The following PIGU variants were observed in gnomAD, a reference collection of about 807,000 sequenced individuals.
The protein encoded by PIGU is phosphatidylinositol glycan anchor biosynthesis class U.
A neutral mutation model predicts 49.9 loss-of-function variants in PIGU; 24 were observed. The ratio of observed to expected loss-of-function variants is 0.48; its 90% CI spans 0.35 to 0.68. The LOEUF (loss-of-function observed/expected upper bound fraction) is 0.68, where lower values mean the gene tolerates loss of function less well. Ranked by LOEUF, PIGU falls within the 30% of genes least tolerant of loss-of-function variation. The pLI is 0.01. For missense variants in PIGU, 490 were observed against 532.6 expected (o/e 0.92, Z 0.79); for synonymous variants, 220 against 205.7 (o/e 1.07, Z -0.59).
intron 6 of PIGU, among the ~76,000 whole-genome samples, chr20:34,621,250 T>C (rs6119507): frequency 0.02 from 3,000 of 152,220 alleles, 123 homozygotes; most frequent in African/African-American, 0.069. Context: ...TATGAAATCC[T>C]TTTTAAAAAT....
At chr20:34,599,828 C>T (rs1363722618) in intron 7 of PIGU, among the ~76,000 whole-genome samples, 1 of 152,106 alleles carries the variant, frequency 6.6e-6, no homozygotes, top group East Asian at 1.9e-4. Context: ...TTATGGCCCC[C>T]CCTGTAAGCT....
chr20:34,650,738 G>T (rs1175547661), intron 2 of PIGU, among the ~76,000 whole-genome samples: 3 of 30,002 alleles, frequency 1.0e-4, no homozygotes, highest in African/African-American at 3.5e-4. Context: ...TTTTGAGAAG[G>T]AGTCTCATTC....
chr20:34,641,797 G>A (rs1034246832), intron 4 of PIGU, among the ~76,000 whole-genome samples: 1 of 152,168 alleles, frequency 6.6e-6, no homozygotes, highest in African/African-American at 2.4e-5. Context: ...TAAATCAACA[G>A]TAGTATGTTA....
chr20:34,639,031 G>C (rs753869064), intron 4 of PIGU, among the ~76,000 whole-genome samples: 4 of 152,178 alleles, frequency 2.6e-5, no homozygotes, highest in Non-Finnish European at 5.9e-5. Context: ...AAAATTTAAT[G>C]ATGTAAAAAG....
At chr20:34,566,030 GCA>G (rs1482925837) in intron 11 of PIGU, among the ~76,000 whole-genome samples, 4 of 150,844 alleles carry the variant, frequency 2.7e-5, no homozygotes, top group East Asian at 2.0e-4. Flanking sequence ...ACACACAGAT[GCA>G]CACACATACA....
chr20:34,587,281 T>C (rs1350416325), intron 8 of PIGU, among the ~76,000 whole-genome samples: 1 of 152,192 alleles, frequency 6.6e-6, no homozygotes, highest in Non-Finnish European at 1.5e-5. Flanking sequence ...ATATAAAGGC[T>C]TCCTGTGGTC....
In PIGU at chr20:34,585,062, T is replaced by C. The variant is rs532696609; in HGVS notation, c.926+375A>G. On this transcript the variant is annotated intron_variant, in intron 9 of 11. Coordinates refer to ENST00000217446, the MANE Select transcript of PIGU (RefSeq NM_080476.5). ...GTTGTCCAGGCTGGTCTCAAACTCC[T>C]GGCCTCAAGTGACCCTCCTGCCTCA... Among the ~76,000 whole-genome samples, 225 of 152,136 alleles carry C rather than the reference T, an allele frequency of 1.5e-3. 1 individual carries two copies. Among genetic ancestry groups the C allele is most frequent in the African/African-American group, 5.2e-3 (215 of 41,518 alleles).
intron 8 of PIGU, among the ~76,000 whole-genome samples, chr20:34,587,782 T>C (rs1983760897): frequency 6.6e-6 from 1 of 152,182 alleles, no homozygotes; most frequent in Admixed American, 6.5e-5. Context: ...CCACTTAGCA[T>C]CAGATTCTCC....
Position 34,677,091 on chromosome 20 carries a change from C to A in PIGU, c.-6G>T, listed in dbSNP as rs763219296. On this transcript the variant is annotated 5_prime_UTR_variant, in exon 1 of 12. Coordinates refer to ENST00000217446, the MANE Select transcript of PIGU (RefSeq NM_080476.5). ...AGGACCAAGGGAGCCGCCATGATAA[C>A]TGGGGCGGGCGCGCGGGCGGGGAGG... 21 of 1,556,948 alleles carry A rather than the reference C, an allele frequency of 1.3e-5. No homozygotes were observed. In the Admixed American group the frequency reaches 4.1e-4, roughly 30 times the overall value.
chr20:34,648,893 G>T (rs1041035206), intron 2 of PIGU, among the ~76,000 whole-genome samples: 4 of 150,748 alleles, frequency 2.7e-5, no homozygotes, highest in Non-Finnish European at 4.4e-5. Flanking sequence ...TTTAGAGATG[G>T]AGTCTCACTC....
intron 4 of PIGU, among the ~76,000 whole-genome samples, chr20:34,640,197 C>T (rs931565449): frequency 5.9e-5 from 9 of 152,184 alleles, no homozygotes; most frequent in African/African-American, 2.2e-4. Flanking sequence ...GACACTGTGC[C>T]AGCAATGGAA....
chr20:34,568,858 G>A (rs1413265276), intron 11 of PIGU, among the ~76,000 whole-genome samples: 2 of 152,198 alleles, frequency 1.3e-5, no homozygotes, highest in Non-Finnish European at 2.9e-5. Context: ...GGCCCCTCAT[G>A]GCAAATAGGC....
intron 10 of PIGU, among the ~76,000 whole-genome samples, chr20:34,576,754 T>G (rs924341510): frequency 5.3e-5 from 8 of 152,230 alleles, no homozygotes; most frequent in Non-Finnish European, 1.2e-4. Context: ...CCTGAGTAGC[T>G]GGAACTACAG....
At chr20:34,672,855 TCAA>T (rs1346622412) in intron 1 of PIGU, among the ~76,000 whole-genome samples, 7 of 95,290 alleles carry the variant, frequency 7.3e-5, no homozygotes, top group Non-Finnish European at 4.0e-5. Flanking sequence ...ACCCTGTCTC[TCAA>T]AAAAAAAAAA....
intron 2 of PIGU, among the ~76,000 whole-genome samples, chr20:34,656,803 T>C (rs1273794773): frequency 6.6e-6 from 1 of 151,042 alleles, no homozygotes; most frequent in East Asian, 1.9e-4. Context: ...GTTAAGTAAG[T>C]TTTTCTGGGC....
At chr20:34,569,169 A>G (rs1424705523) in intron 11 of PIGU, among the ~76,000 whole-genome samples, 1 of 151,922 alleles carries the variant, frequency 6.6e-6, no homozygotes, top group Non-Finnish European at 1.5e-5. Context: ...GTGCCACTGC[A>G]CCCCAGCCTG....
chr20:34,642,037 C>T (rs1220262386), intron 4 of PIGU, among the ~76,000 whole-genome samples: 1 of 151,924 alleles, frequency 6.6e-6, no homozygotes, highest in Admixed American at 6.6e-5. Context: ...TTAAATCATG[C>T]AAAGAAAAAA....
intron 8 of PIGU, among the ~76,000 whole-genome samples, chr20:34,586,697 T>A (rs560001111): frequency 6.6e-6 from 1 of 152,146 alleles, no homozygotes; most frequent in African/African-American, 2.4e-5. Context: ...GTTTATAGAA[T>A]TCATGAATAT....
intron 1 of PIGU, among the ~76,000 whole-genome samples, chr20:34,660,881 C>T (rs567771537): frequency 1.0e-3 from 159 of 152,144 alleles, no homozygotes; most frequent in Non-Finnish European, 1.9e-3. Flanking sequence ...TCTAATAAGG[C>T]CTGTAATTAG....
Sources: allele counts gnomAD v4.1 joint callset (sites outside exome capture counted in the v4.1 genomes callset), GRCh38; gene constraint gnomAD v4.1.1; transcripts MANE v1.5; gene names NCBI Gene and HGNC (gene_info 2026-07-23, HGNC 2026-07-21).